BCAS3: variants seen among roughly 807,000 people sequenced by gnomAD.
The protein encoded by BCAS3 is BCAS3 microtubule associated cell migration factor, also known as BCAS4/BCAS3 fusion.
Under a neutral mutation model 116.1 loss-of-function variants are expected in BCAS3, and 53 were observed. The observed-to-expected ratio is 0.46, with a 90% confidence interval of 0.37 to 0.57. The LOEUF (loss-of-function observed/expected upper bound fraction) is 0.57, where lower values mean the gene tolerates loss of function less well. Ranked by LOEUF, BCAS3 falls within the 20% of genes least tolerant of loss-of-function variation. BCAS3 has a pLI of 0.00. For synonymous variants in BCAS3, 391 were observed against 408.2 expected, an observed-to-expected ratio of 0.96 and a Z score of 0.51; for missense variants, 917 against 1,165.4, an observed-to-expected ratio of 0.79 and a Z score of 3.10.
intron 22 of BCAS3, among the ~76,000 whole-genome samples, chr17:61,317,124 A>G (rs1021005489): frequency 6.6e-6 from 1 of 152,196 alleles, no homozygotes; most frequent in Non-Finnish European, 1.5e-5. Context: ...AATTTAGTAT[A>G]CTTATATATT....
At chr17:61,174,105 TA>T (rs1568506556) in intron 22 of BCAS3, among the ~76,000 whole-genome samples, 1 of 152,226 alleles carries the variant, frequency 6.6e-6, no homozygotes, top group Non-Finnish European at 1.5e-5. Flanking sequence ...AATTTACAAA[TA>T]AAAATTGTAT....
At chr17:60,982,273 C>A (rs745987430) in intron 14 of BCAS3, among the ~76,000 whole-genome samples, 6 of 151,970 alleles carry the variant, frequency 3.9e-5, no homozygotes, top group African/African-American at 7.2e-5. Context: ...TGTCATTTTT[C>A]TTCTTTTAAG....
chr17:61,277,571 G>A (rs1257679983), intron 22 of BCAS3, among the ~76,000 whole-genome samples: 1 of 151,984 alleles, frequency 6.6e-6, no homozygotes, highest in Non-Finnish European at 1.5e-5. Context: ...CCACAAAATG[G>A]GAGAAAATTT....
At chr17:60,943,807 A>G (rs2060344523) in intron 13 of BCAS3, among the ~76,000 whole-genome samples, 1 of 152,158 alleles carries the variant, frequency 6.6e-6, no homozygotes, top group Non-Finnish European at 1.5e-5. Flanking sequence ...TCTTGTCATA[A>G]TGAAATTATA....
intron 22 of BCAS3, among the ~76,000 whole-genome samples, chr17:61,338,900 A>G (rs2056931405): frequency 8.2e-6 from 1 of 121,634 alleles, no homozygotes; most frequent in Non-Finnish European, 1.7e-5. Context: ...AAAAAAAAAA[A>G]AAAAAAAAAA....
chr17:61,123,779 T>G lies in BCAS3; in HGVS notation c.2425+39215T>G, dbSNP rs76200703. On this transcript the variant is annotated intron_variant, in intron 22 of 23. Coordinates refer to ENST00000407086, the MANE Select transcript of BCAS3 (RefSeq NM_017679.5). ...TATTATTAAAAGTTGAATAAAGAAATAAATCCTGTGCATATTGGTTGATTC... is the reference window on the plus strand; with the variant it reads ...TATTATTAAAAGTTGAATAAAGAAAGAAATCCTGTGCATATTGGTTGATTC... Among the ~76,000 whole-genome samples the G allele has an allele frequency of 4.2e-3, 638 of 152,294 alleles. 21 individuals carry two copies. The East Asian group carries it at 0.087, about 21-fold the overall frequency.
In BCAS3 at chr17:61,194,688, C is replaced by T. The variant is rs574871254; in HGVS notation, c.2425+110124C>T. Among the ~76,000 whole-genome samples, 87 of 145,358 alleles carry T rather than the reference C, an allele frequency of 6.0e-4. 1 individual carries two copies. The highest frequency in any genetic ancestry group is 2.4e-4 in the Non-Finnish European group (16 of 67,348). ...CTGAGAGGCAGAGGTTGCAGTGAGC[C>T]GAGATTGTGCCATTGCACTCCTGCC... On this transcript the variant is annotated intron_variant, in intron 22 of 23. Coordinates refer to ENST00000407086, the MANE Select transcript of BCAS3 (RefSeq NM_017679.5).
At chr17:61,081,371 A>G (rs2072589863) in intron 21 of BCAS3, among the ~76,000 whole-genome samples, 1 of 152,160 alleles carries the variant, frequency 6.6e-6, no homozygotes, top group South Asian at 2.1e-4. Context: ...AGATAATTCT[A>G]ACTCGCTTCT....
At chr17:60,765,585 T>C (rs1278502296) in intron 6 of BCAS3, among the ~76,000 whole-genome samples, 3 of 152,244 alleles carry the variant, frequency 2.0e-5, no homozygotes, top group African/African-American at 4.8e-5. Flanking sequence ...GGCTTCCCTT[T>C]GTGGGTAACT....
Position 61,203,940 on chromosome 17 carries a change from G to T in BCAS3, c.2425+119376G>T, listed in dbSNP as rs1213754418. On this transcript the variant is annotated intron_variant, in intron 22 of 23. Coordinates refer to ENST00000407086, the MANE Select transcript of BCAS3 (RefSeq NM_017679.5). This position sits in a 1 kb window ranked among gnomAD's most constrained non-coding sequence, Gnocchi z 5.7. Reference sequence around the variant, plus strand: ...ATGGAACCAAGAGATCATTCAAAATGGGGTTCAAGCTGGGAGGCAGTGCCC... The same window carrying T: ...ATGGAACCAAGAGATCATTCAAAATTGGGTTCAAGCTGGGAGGCAGTGCCC... 1.3e-5 allele frequency among the ~76,000 whole-genome samples: 2 copies of T among 152,236 alleles called. No homozygotes were observed. The highest frequency in any genetic ancestry group is 2.9e-5 in the Non-Finnish European group (2 of 68,040).
rs2083319016 is a variant in BCAS3, at chr17:61,239,739, T to TA, written c.2426-128586dup. Among the ~76,000 whole-genome samples the TA allele has an allele frequency of 6.6e-6, 1 of 152,234 alleles. No individual in the cohort carries two copies. Among genetic ancestry groups the TA allele is most frequent in the Non-Finnish European group, 1.5e-5 (1 of 68,030 alleles). On this transcript the variant is annotated intron_variant, in intron 22 of 23. Transcript: ENST00000407086. This position sits in a 1 kb window ranked among gnomAD's most constrained non-coding sequence, Gnocchi z 4.2. The stretch of plus-strand genomic sequence containing the variant: ...AAGAACTTAAAGATTTTAATCAAGA[T>TA]AATCCTAAAATGTCTTAAGGTGCAA...
rs534600827 is a variant in BCAS3 at position 60,792,641 on chromosome 17, C to T, written c.404-15363C>T. Among the ~76,000 whole-genome samples, 3 of 152,282 alleles carry T rather than the reference C, an allele frequency of 2.0e-5. No individual in the cohort carries two copies. In the South Asian group the frequency reaches 6.2e-4, roughly 32 times the overall value. The stretch of plus-strand genomic sequence containing the variant: ...CCCTCATGAATAGATTAATGCCCTC[C>T]CTAGGGAGTGAGTGAGTTCTAGTTT... On this transcript the variant is annotated intron_variant, in intron 6 of 23. Transcript: ENST00000407086.
chr17:60,953,924 G>A (rs778059098), intron 14 of BCAS3, among the ~76,000 whole-genome samples: 60 of 151,854 alleles, frequency 4.0e-4, no homozygotes, highest in Non-Finnish European at 7.8e-4. Flanking sequence ...AGTATAGATG[G>A]GGTTTCACTA....
Position 61,083,593 on chromosome 17 carries a change from T to C in BCAS3, c.2328-874T>C, listed in dbSNP as rs977208270. ...CGGCATTTGGCATTTATATGTTTATTATTCTTTTTTTTTTTTTTTTGAGAC... is the reference window on the plus strand; with the variant it reads ...CGGCATTTGGCATTTATATGTTTATCATTCTTTTTTTTTTTTTTTTGAGAC... On this transcript the variant is annotated intron_variant, in intron 21 of 23. Coordinates refer to ENST00000407086, the MANE Select transcript of BCAS3 (RefSeq NM_017679.5). The surrounding 1 kb of genome is among the most constrained non-coding windows in gnomAD (Gnocchi z 4.9). 6.7e-6 allele frequency among the ~76,000 whole-genome samples: 1 copy of C among 149,862 alleles called. No homozygotes were observed. Among genetic ancestry groups the C allele is most frequent in the African/African-American group, 2.5e-5 (1 of 39,486 alleles).
At chr17:60,797,382 AT>A (rs1425026437) in intron 6 of BCAS3, among the ~76,000 whole-genome samples, 1 of 150,758 alleles carries the variant, frequency 6.6e-6, no homozygotes, top group African/African-American at 2.4e-5. Flanking sequence ...TTATTTATTT[AT>A]TTTTTTGTGG....
At position 61,376,984 on chromosome 17, in the gene BCAS3, C is replaced by A. The variant is rs578222584; in HGVS notation, c.2593+8490C>A. ...ATAGGCTGGAGAAAAATAAGAGAGACAAGTTTCCTACCCTCAAAGAGATTA... is the reference window on the plus strand; with the variant it reads ...ATAGGCTGGAGAAAAATAAGAGAGAAAAGTTTCCTACCCTCAAAGAGATTA... On this transcript the variant is annotated intron_variant, in intron 23 of 23. Coordinates refer to ENST00000407086, the MANE Select transcript of BCAS3 (RefSeq NM_017679.5). This position sits in a 1 kb window ranked among gnomAD's most constrained non-coding sequence, Gnocchi z 4.5. Among the ~76,000 whole-genome samples the A allele has an allele frequency of 1.3e-5, 2 of 152,308 alleles. No individual in the cohort carries two copies. Among genetic ancestry groups the A allele is most frequent in the South Asian group, 4.1e-4 (2 of 4,830 alleles).
rs971467431 is a variant in BCAS3, at chr17:61,347,556, C to A, written c.2426-20771C>A. The stretch of plus-strand genomic sequence containing the variant: ...AAATGAAAAGCCAGATGCTGCCCAG[C>A]AGGAACTTACAGTCTAGTGGGAAGA... On this transcript the variant is annotated intron_variant, in intron 22 of 23. Transcript: ENST00000407086. The surrounding 1 kb of genome is among the most constrained non-coding windows in gnomAD (Gnocchi z 4.3). Among the ~76,000 whole-genome samples, 18 of 152,186 alleles carry A rather than the reference C, an allele frequency of 1.2e-4. No homozygotes were observed. Among genetic ancestry groups the A allele is most frequent in the Non-Finnish European group, 2.4e-4 (16 of 68,034 alleles).
chr17:61,003,512 C>G (rs1486265205), intron 15 of BCAS3, among the ~76,000 whole-genome samples: 4 of 151,324 alleles, frequency 2.6e-5, no homozygotes, highest in African/African-American at 2.4e-5. Flanking sequence ...AATCTGGTCT[C>G]GATCTCCTGG....
chr17:61,347,243 G>A lies in BCAS3; in HGVS notation c.2426-21084G>A, dbSNP rs143968095. On this transcript the variant is annotated intron_variant, in intron 22 of 23. Coordinates refer to ENST00000407086, the MANE Select transcript of BCAS3 (RefSeq NM_017679.5). The surrounding 1 kb of genome is among the most constrained non-coding windows in gnomAD (Gnocchi z 4.3). ...ATTACAGGCATGCACCACCACACCC[G>A]GCTGATTTTTATATTTTTAGTAGAG... Among the ~76,000 whole-genome samples, 9,044 of 152,020 alleles carry A rather than the reference G, an allele frequency of 0.059. 337 individuals are homozygous for A. Among genetic ancestry groups the A allele is most frequent in the Middle Eastern group, 0.079 (23 of 292 alleles).
Sources: allele counts gnomAD v4.1 joint callset (sites outside exome capture counted in the v4.1 genomes callset), GRCh38; gene constraint gnomAD v4.1.1; non-coding constraint Gnocchi (gnomAD v3.1); transcripts MANE v1.5; gene names NCBI Gene and HGNC (gene_info 2026-07-23, HGNC 2026-07-21).